The following SCG5 variants were observed in gnomAD, a reference collection of about 807,000 sequenced individuals.
The protein encoded by SCG5 is neuroendocrine protein 7B2.
In SCG5, 18 loss-of-function variants were observed where a neutral mutation model predicts 25.7. That is an observed-to-expected ratio of 0.70 (90% CI 0.48 to 1.04). The LOEUF is 1.04. Ranked by LOEUF, SCG5 falls within the 50% of genes least tolerant of loss-of-function variation. The pLI is 0.00. For synonymous variants in SCG5, 101 were observed against 91.7 expected, an observed-to-expected ratio of 1.10 and a Z score of -0.58; for missense variants, 206 against 259.8, an observed-to-expected ratio of 0.79 and a Z score of 1.42.
chr15:32,667,041 A>C (rs769974066), intron 2 of SCG5, among the ~76,000 whole-genome samples: 17 of 152,232 alleles, frequency 1.1e-4, no homozygotes, highest in Non-Finnish European at 2.1e-4. Flanking sequence ...GAATATAAAA[A>C]GTCTCTTTGG....
At chr15:32,695,308 C>A (rs1273881631) in intron 5 of SCG5, among the ~76,000 whole-genome samples, 1 of 152,074 alleles carries the variant, frequency 6.6e-6, no homozygotes, top group Admixed American at 6.5e-5. Flanking sequence ...AGCCACCGCG[C>A]CTGGCTACAG....
intron 4 of SCG5, among the ~76,000 whole-genome samples, chr15:32,689,083 A>C (rs1595820396): frequency 6.6e-6 from 1 of 152,254 alleles, no homozygotes; most frequent in East Asian, 1.9e-4. Context: ...TGCTTACCAG[A>C]TTCAATAATG....
intron 3 of SCG5, among the ~76,000 whole-genome samples, chr15:32,680,779 A>T (rs1428122205): frequency 6.6e-6 from 1 of 152,128 alleles, no homozygotes; most frequent in African/African-American, 2.4e-5. Context: ...GAAATTTTCC[A>T]TGTTGTTCAT....
At chr15:32,693,506 T>C (rs1395968336) in intron 5 of SCG5, among the ~76,000 whole-genome samples, 1 of 152,232 alleles carries the variant, frequency 6.6e-6, no homozygotes, top group African/African-American at 2.4e-5. Context: ...ACGTTGGCCC[T>C]GCCCATCATG....
intron 2 of SCG5, among the ~76,000 whole-genome samples, chr15:32,659,488 G>A (rs373872313): frequency 2.6e-5 from 4 of 152,326 alleles, no homozygotes; most frequent in African/African-American, 9.6e-5. Context: ...CTTATCCAGG[G>A]CCTAAAATAA....
At chr15:32,690,823 A>G (rs893406915) in intron 4 of SCG5, among the ~76,000 whole-genome samples, 35 of 150,158 alleles carry the variant, frequency 2.3e-4, no homozygotes, top group African/African-American at 8.1e-4. Context: ...TTTTTTCTTA[A>G]TGTCAGAGTA....
chr15:32,646,078 G>C (rs2053940587), intron 2 of SCG5, among the ~76,000 whole-genome samples: 1 of 151,956 alleles, frequency 6.6e-6, no homozygotes, highest in Non-Finnish European at 1.5e-5. Context: ...GCCTCCCAGA[G>C]TGCTGGGATC....
At chr15:32,675,974 G>A (rs568568704) in intron 2 of SCG5, among the ~76,000 whole-genome samples, 1 of 152,268 alleles carries the variant, frequency 6.6e-6, no homozygotes, top group South Asian at 2.1e-4. Context: ...GGCATCCATA[G>A]CATCATATTA....
chr15:32,650,264 AT>A (rs965206492), intron 2 of SCG5, among the ~76,000 whole-genome samples: 2 of 150,840 alleles, frequency 1.3e-5, no homozygotes, highest in African/African-American at 2.4e-5. Flanking sequence ...CACCTGGCTA[AT>A]TTTTTTTTCG....
At chr15:32,670,205 T>C (rs2054396106) in intron 2 of SCG5, among the ~76,000 whole-genome samples, 1 of 152,216 alleles carries the variant, frequency 6.6e-6, no homozygotes, top group Non-Finnish European at 1.5e-5. Context: ...CCGAATGGGT[T>C]TCATTTTGCT....
intron 3 of SCG5, among the ~76,000 whole-genome samples, chr15:32,684,258 C>A (rs80188075): frequency 0.026 from 4,000 of 152,286 alleles, 204 homozygotes; most frequent in African/African-American, 0.092. Context: ...GGCCTCCACT[C>A]AGGCAAATGA....
chr15:32,679,193 C>CT lies in SCG5; in HGVS notation c.227-562dup, dbSNP rs55644629. ...AATGGAACTCTCCCTTTCCCATGCTCTTTTTTTTTTTCTTTTTTTGAGACA... is the reference window on the plus strand; with the variant it reads ...AATGGAACTCTCCCTTTCCCATGCTCTTTTTTTTTTTTCTTTTTTTGAGACA... On this transcript the variant is annotated intron_variant, in intron 2 of 5. Transcript: ENST00000300175. Among the ~76,000 whole-genome samples, 294 of 148,506 alleles carry CT rather than the reference C, an allele frequency of 2.0e-3. 2 individuals are homozygous for CT. Among genetic ancestry groups the CT allele is most frequent in the African/African-American group, 6.2e-3 (249 of 40,312 alleles).
intron 2 of SCG5, among the ~76,000 whole-genome samples, chr15:32,657,774 A>G (rs575713862): frequency 4.4e-4 from 67 of 152,296 alleles, no homozygotes; most frequent in Non-Finnish European, 7.4e-4. Context: ...TATTTACTCA[A>G]TGAGTAATTA....
chr15:32,652,034 C>G (rs945454119), intron 2 of SCG5, among the ~76,000 whole-genome samples: 8 of 152,014 alleles, frequency 5.3e-5, no homozygotes, highest in Non-Finnish European at 1.2e-4. Context: ...GAAGAATCCA[C>G]AAAGGAAACT....
At chr15:32,656,998 A>G (rs1283532530) in intron 2 of SCG5, among the ~76,000 whole-genome samples, 1 of 151,368 alleles carries the variant, frequency 6.6e-6, no homozygotes, top group Non-Finnish European at 1.5e-5. Context: ...GACCAGCTGC[A>G]TGGCACTGAA....
At chr15:32,662,707 T>C (rs2054239713) in intron 2 of SCG5, among the ~76,000 whole-genome samples, 1 of 152,022 alleles carries the variant, frequency 6.6e-6, no homozygotes. Flanking sequence ...TCACCTCAAC[T>C]ATAGAATTAA....
intron 2 of SCG5, among the ~76,000 whole-genome samples, chr15:32,650,063 T>C (rs1042376446): frequency 6.6e-6 from 1 of 152,178 alleles, no homozygotes; most frequent in Non-Finnish European, 1.5e-5. Flanking sequence ...ATCAACAACA[T>C]GTTTTCAGTC....
intron 3 of SCG5, among the ~76,000 whole-genome samples, chr15:32,682,575 T>C (rs2054638988): frequency 6.6e-6 from 1 of 152,332 alleles, no homozygotes; most frequent in African/African-American, 2.4e-5. Context: ...CCTGGTAGAA[T>C]TGGACAAAAT....
intron 2 of SCG5, chr15:32,672,936 GACA>G (rs1439699816): frequency 1.0e-5 from 1 of 98,182 alleles, no homozygotes; most frequent in Non-Finnish European, 1.9e-5. Flanking sequence ...AAAAAAAAGA[GACA>G]GAGTGACGAA....
Sources: allele counts gnomAD v4.1 joint callset (sites outside exome capture counted in the v4.1 genomes callset), GRCh38; gene constraint gnomAD v4.1.1; transcripts MANE v1.5; gene names NCBI Gene and HGNC (gene_info 2026-07-23, HGNC 2026-07-21).